The following GALNT14 variants were observed in gnomAD, a reference collection of about 807,000 sequenced individuals.
GALNT14 encodes polypeptide N-acetylgalactosaminyltransferase 14, also known as UDP-GalNAc:polypeptide N-acetylgalactosaminyltransferase 14.
Under a neutral mutation model 77.5 loss-of-function variants are expected in GALNT14, and 60 were observed. The observed-to-expected ratio is 0.77, with a 90% confidence interval of 0.63 to 0.96. The LOEUF (loss-of-function observed/expected upper bound fraction) is 0.96, where lower values mean the gene tolerates loss of function less well. GALNT14 is among the 40% of genes least tolerant of loss of function. The pLI is 0.00. For synonymous variants in GALNT14, 280 were observed against 281.7 expected (o/e 0.99, Z 0.06); for missense variants, 710 against 731.0 (o/e 0.97, Z 0.33).
chr2:30,963,278 G>A lies in GALNT14; in HGVS notation c.398+2926C>T, dbSNP rs78351420. Among the ~76,000 whole-genome samples, 1,316 of 152,282 alleles carry A rather than the reference G, an allele frequency of 8.6e-3. 20 individuals carry two copies. Among genetic ancestry groups the A allele is most frequent in the African/African-American group, 0.03 (1,227 of 41,546 alleles). On this transcript the variant is annotated intron_variant, in intron 3 of 14. Transcript: ENST00000349752. ...GGCAGGCAGACAGAGGAGCCGCGCT[G>A]TACCTCCAGGAAACCCAGGAAAGCT...
At position 31,020,667 on chromosome 2, in the gene GALNT14, G is replaced by A. The variant is rs559717315; in HGVS notation, c.130-27660C>T. Among the ~76,000 whole-genome samples, 373 of 150,876 alleles carry A rather than the reference G, an allele frequency of 2.5e-3. 12 individuals carry two copies. The South Asian group carries it at 0.05, about 20-fold the overall frequency. On this transcript the variant is annotated intron_variant, in intron 1 of 14. Coordinates refer to ENST00000349752, the MANE Select transcript of GALNT14 (RefSeq NM_024572.4). ...TCCCCCTTTCCCCTCTGGGAGGGAA[G>A]GTGTGTTGCTGGTAGGATCAACCCA...
At chr2:31,043,693 A>C (rs929128248) in intron 1 of GALNT14, among the ~76,000 whole-genome samples, 1 of 152,160 alleles carries the variant, frequency 6.6e-6, no homozygotes. Context: ...TAAATTATTT[A>C]ATTCATTCAA....
At position 31,010,607 on chromosome 2, in the gene GALNT14, T is replaced by A. The variant is rs755737126; in HGVS notation, c.130-17600A>T. On this transcript the variant is annotated intron_variant, in intron 1 of 14. Transcript: ENST00000349752. ...TCCAGCCTGGGCAACAGAGAGAGAC[T>A]CTGTCTCAAGATGACATTCGTTCCC... Among the ~76,000 whole-genome samples the A allele has an allele frequency of 2.2e-4, 33 of 152,236 alleles. No homozygotes were observed. The Middle Eastern group carries it at 0.014, about 63-fold the overall frequency.
chr2:30,936,648 A>G (rs940682623), intron 9 of GALNT14, among the ~76,000 whole-genome samples: 6 of 152,152 alleles, frequency 3.9e-5, no homozygotes, highest in African/African-American at 7.2e-5. Context: ...CCCAACATCT[A>G]CTGGGCTAGA....
chr2:31,044,432 T>C (rs1039587932), intron 1 of GALNT14, among the ~76,000 whole-genome samples: 3 of 152,174 alleles, frequency 2.0e-5, no homozygotes, highest in South Asian at 4.1e-4. Context: ...CACGGGGACA[T>C]TGATTTATTA....
the GALNT14 span, among the ~76,000 whole-genome samples, chr2:30,890,583 T>C: frequency 0.073 from 11,121 of 152,172 alleles, 683 homozygotes; most frequent in East Asian, 0.37. Flanking sequence ...ATTGTAATAA[T>C]AGGAGGCATT....
intron 1 of GALNT14, among the ~76,000 whole-genome samples, chr2:31,109,954 G>A (rs567066759): frequency 8.5e-5 from 13 of 152,224 alleles, no homozygotes; most frequent in East Asian, 3.9e-4. Flanking sequence ...AAAATAGAAG[G>A]TGATTTCAGA....
intron 3 of GALNT14, 66 bp downstream of exon 3, chr2:30,966,138 G>A: frequency 7.9e-7 from 1 of 1,258,916 alleles, no homozygotes; most frequent in Non-Finnish European, 1.2e-6. Flanking sequence ...GGGCACCTGG[G>A]GAGCAGACAC....
At chr2:31,086,104 G>A (rs1676416614) in intron 1 of GALNT14, among the ~76,000 whole-genome samples, 1 of 152,198 alleles carries the variant, frequency 6.6e-6, no homozygotes, top group South Asian at 2.1e-4. Context: ...AATTTAAGAT[G>A]AGATTTGGGT....
chr2:31,083,694 C>T (rs143452897), intron 1 of GALNT14, among the ~76,000 whole-genome samples: 3 of 152,254 alleles, frequency 2.0e-5, no homozygotes, highest in African/African-American at 7.2e-5. Flanking sequence ...CCTCCTTGGA[C>T]GTGTCTTTGT....
At chr2:31,039,781 T>C (rs926891065) in intron 1 of GALNT14, among the ~76,000 whole-genome samples, 5 of 152,166 alleles carry the variant, frequency 3.3e-5, no homozygotes, top group African/African-American at 1.2e-4. Flanking sequence ...TAAGGTGTTA[T>C]TAGGAGACAC....
intron 1 of GALNT14, among the ~76,000 whole-genome samples, chr2:31,046,024 T>C (rs985009870): frequency 1.3e-5 from 2 of 152,166 alleles, no homozygotes; most frequent in African/African-American, 4.8e-5. Flanking sequence ...TAAACTTCTA[T>C]TGAACAAGTT....
intron 1 of GALNT14, among the ~76,000 whole-genome samples, chr2:31,053,447 C>A (rs904840567): frequency 6.6e-6 from 1 of 152,016 alleles, no homozygotes; most frequent in East Asian, 1.9e-4. Context: ...TTTCCCCACC[C>A]GCCCTGTCAT....
intron 1 of GALNT14, among the ~76,000 whole-genome samples, chr2:31,136,769 G>A (rs1049068698): frequency 3.9e-5 from 6 of 152,102 alleles, no homozygotes; most frequent in African/African-American, 4.8e-5. Context: ...TAAGGTACGT[G>A]ACTTAAAGAC....
Position 30,942,268 on chromosome 2 carries a change from G to T in GALNT14, c.864C>A (p.Asp288Glu). The stretch of plus-strand genomic sequence containing the variant: ...TCCCCAGGTAATCAAACCAAGCTTT[G>T]TCGATCACGAAGAGCCCTCCAGCTA... ...PIIAGGLFVIDKAWFDYLGKY... is the reference protein window; with the variant it reads ...PIIAGGLFVIEKAWFDYLGKY... The change falls in exon 9 of 15, where the codon GAC (aspartate) becomes GAA (glutamate). Residue 288 changes from aspartate (D) to glutamate (E), a missense_variant. Asp to Glu is a conservative substitution (Grantham distance 45). Coordinates refer to ENST00000349752, the MANE Select transcript of GALNT14 (RefSeq NM_024572.4). 6.2e-7 allele frequency: 1 copy of T among 1,614,052 alleles called. No individual in the cohort carries two copies. The highest frequency in any genetic ancestry group is 8.5e-7 in the Non-Finnish European group (1 of 1,180,002).
chr2:31,028,049 G>A (rs1231384344), intron 1 of GALNT14, among the ~76,000 whole-genome samples: 1 of 152,156 alleles, frequency 6.6e-6, no homozygotes, highest in Admixed American at 6.5e-5. Context: ...AAGTGTGCTT[G>A]TAAACCTTAA....
chr2:30,926,793 C>T (rs1665412298), intron 11 of GALNT14, among the ~76,000 whole-genome samples: 1 of 151,926 alleles, frequency 6.6e-6, no homozygotes, highest in Admixed American at 6.6e-5. Context: ...CGAAAGAGGA[C>T]AGTCCAGGGT....
At chr2:30,941,706 C>T (rs559905383) in intron 9 of GALNT14, among the ~76,000 whole-genome samples, 81 of 152,292 alleles carry the variant, frequency 5.3e-4, no homozygotes, top group African/African-American at 1.9e-3. Context: ...ATCCCCAGAC[C>T]CTCCTCATTA....
chr2:30,953,684 C>A (rs1476135769), intron 6 of GALNT14, among the ~76,000 whole-genome samples: 1 of 152,128 alleles, frequency 6.6e-6, no homozygotes, highest in Non-Finnish European at 1.5e-5. Flanking sequence ...TACTGGAGGT[C>A]ATTTGTGAAG....
Sources: allele counts gnomAD v4.1 joint callset (sites outside exome capture counted in the v4.1 genomes callset), GRCh38; gene constraint gnomAD v4.1.1; transcripts MANE v1.5; gene names NCBI Gene and HGNC (gene_info 2026-07-23, HGNC 2026-07-21).